Variants in TSHZ3 observed in about 807,000 individuals in gnomAD.
The protein encoded by TSHZ3 is teashirt homolog 3.
In TSHZ3, 10 loss-of-function variants were observed where a neutral mutation model predicts 64.5. That is an observed-to-expected ratio of 0.16 (90% CI 0.10 to 0.26). The LOEUF (loss-of-function observed/expected upper bound fraction) is 0.26, where lower values mean the gene tolerates loss of function less well. Among genes scored for constraint, TSHZ3 ranks in the 10% least tolerant of loss-of-function variants. TSHZ3 has a pLI of 1.00. For synonymous variants in TSHZ3, 608 were observed against 593.1 expected, an observed-to-expected ratio of 1.03 and a Z score of -0.36; for missense variants, 1,242 against 1,421.7, an observed-to-expected ratio of 0.87 and a Z score of 2.03.
At chr19:31,253,838 T>G (rs1031163536) in intron 1 of TSHZ3, among the ~76,000 whole-genome samples, 1 of 152,168 alleles carries the variant, frequency 6.6e-6, no homozygotes, top group Non-Finnish European at 1.5e-5. Context: ...GGGACAGGAA[T>G]GAAGAGGGAG....
chr19:31,304,858 G>A (rs185231180), intron 1 of TSHZ3, among the ~76,000 whole-genome samples: 5 of 152,312 alleles, frequency 3.3e-5, no homozygotes, highest in South Asian at 2.1e-4. Context: ...TAACTGGAGC[G>A]CGATTCCCCG....
chr19:31,277,785 T>G lies in TSHZ3; in HGVS notation c.2008A>C (p.Ser670Arg), dbSNP rs940179636. The part of the protein sequence containing the change: ...SDGGFRSQEN[S>R]PSPPRDGCKD... The stretch of plus-strand genomic sequence containing the variant: ...CACCCATCCCGCGGGGGGCTGGGGC[T>G]GTTCTCCTGGCTGCGGAAGCCCCCA... Residue 670 changes from serine to arginine, a missense_variant, in exon 2 of 2, where the codon AGC becomes CGC. Coordinates refer to ENST00000240587, the MANE Select transcript of TSHZ3 (RefSeq NM_020856.4). The surrounding 1 kb of genome is among the most constrained non-coding windows in gnomAD (Gnocchi z 4.5). 6.5e-7 allele frequency: 1 copy of G among 1,536,666 alleles called. No homozygotes were observed. The highest frequency in any genetic ancestry group is 8.7e-7 in the Non-Finnish European group (1 of 1,145,164).
In TSHZ3 at chr19:31,277,149, C is replaced by G. The variant is rs199907945; in HGVS notation, c.2644G>C (p.Ala882Pro). ...TTCTGGGCGGGCGTCGACTCCTCAGCCTCCTCCAGAGTGGCCCCGTCAATG... is the reference window on the plus strand; with the variant it reads ...TTCTGGGCGGGCGTCGACTCCTCAGGCTCCTCCAGAGTGGCCCCGTCAATG... ...SDIDGATLEE[A>P]EESTPAQKRK... The change falls in exon 2 of 2, where the codon GCT becomes CCT. Residue 882 changes from alanine (A) to proline (P), a missense_variant. By Grantham distance (27) the Ala-to-Pro change is conservative (BLOSUM62 -1). Transcript: ENST00000240587. This position sits in a 1 kb window ranked among gnomAD's most constrained non-coding sequence, Gnocchi z 4.5. 6.2e-7 allele frequency: 1 copy of G among 1,612,038 alleles called. No individual in the cohort carries two copies. The highest frequency in any genetic ancestry group is 8.5e-7 in the Non-Finnish European group (1 of 1,178,708).
At chr19:31,178,130 G>A (rs970265050) in intron 5 of TSHZ3, among the ~76,000 whole-genome samples, 4 of 152,170 alleles carry the variant, frequency 2.6e-5, no homozygotes, top group Non-Finnish European at 5.9e-5. Flanking sequence ...CTCAGGGTTA[G>A]CAAATAGTAA....
At chr19:31,342,572 A>C (rs1391256150) in intron 1 of TSHZ3, among the ~76,000 whole-genome samples, 1 of 152,208 alleles carries the variant, frequency 6.6e-6, no homozygotes, top group Non-Finnish European at 1.5e-5. Flanking sequence ...ATTTACATTA[A>C]ATTGTTCATT....
Position 31,277,983 on chromosome 19 carries a change from T to G in TSHZ3, c.1810A>C (p.Lys604Gln). 1 of 1,614,188 alleles carries G rather than the reference T, an allele frequency of 6.2e-7. No individual in the cohort carries two copies. The highest frequency in any genetic ancestry group is 8.5e-7 in the Non-Finnish European group (1 of 1,180,010). The change falls in exon 2 of 2, where the codon AAG (lysine) becomes CAG (glutamine). Residue 604 changes from lysine (K) to glutamine (Q), a missense_variant. Transcript: ENST00000240587. This position sits in a 1 kb window ranked among gnomAD's most constrained non-coding sequence, Gnocchi z 4.5. ...PPSSQTSPMP[K>Q]TNFHAMEELV... The stretch of plus-strand genomic sequence containing the variant: ...TCCTCCATGGCATGAAAGTTTGTCT[T>G]GGGCATGGGGGACGTCTGGCTGCTG...
intron 4 of TSHZ3, among the ~76,000 whole-genome samples, chr19:31,217,656 C>T (rs1206830510): frequency 6.6e-6 from 1 of 152,140 alleles, no homozygotes; most frequent in African/African-American, 2.4e-5. Flanking sequence ...ACATCACCAT[C>T]ACCCAGAATC....
intron 1 of TSHZ3, among the ~76,000 whole-genome samples, chr19:31,345,276 C>G (rs904641476): frequency 6.6e-6 from 1 of 152,206 alleles, no homozygotes; most frequent in Admixed American, 6.5e-5. Flanking sequence ...AGGAGAAATA[C>G]GTGGCAGGTA....
chr19:31,323,673 G>T (rs1220334384), intron 1 of TSHZ3, among the ~76,000 whole-genome samples: 1 of 152,052 alleles, frequency 6.6e-6, no homozygotes, highest in African/African-American at 2.4e-5. Context: ...TAAACTTTAA[G>T]AAATGTCCAC....
At chr19:31,177,418 T>A (rs1298882337) in intron 5 of TSHZ3, among the ~76,000 whole-genome samples, 5 of 152,276 alleles carry the variant, frequency 3.3e-5, no homozygotes, top group Admixed American at 2.0e-4. Context: ...GTAATCTCCA[T>A]CCCTTGCCTT....
intron 1 of TSHZ3, among the ~76,000 whole-genome samples, chr19:31,249,789 A>C (rs1472366): frequency 2.6e-5 from 4 of 151,810 alleles, no homozygotes; most frequent in Non-Finnish European, 5.9e-5. Context: ...CATCTCCCCA[A>C]CCCCAGCTTC....
At chr19:31,299,069 C>A (rs1276965627) in intron 1 of TSHZ3, among the ~76,000 whole-genome samples, 2 of 152,164 alleles carry the variant, frequency 1.3e-5, no homozygotes, top group African/African-American at 4.8e-5. Context: ...GTAGCGGGCG[C>A]CTGTAGTCCC....
intron 4 of TSHZ3, among the ~76,000 whole-genome samples, chr19:31,207,000 G>T (rs1975187664): frequency 6.6e-6 from 1 of 152,142 alleles, no homozygotes; most frequent in East Asian, 1.9e-4. Flanking sequence ...TAACTAACAA[G>T]AATTTTCTTC....
rs1568365496 is a variant in TSHZ3 at position 31,275,057 on chromosome 19, T to C, written c.*1490A>G. The C allele has an allele frequency of 6.6e-6, 1 of 152,568 alleles. No individual in the cohort carries two copies. The highest frequency in any genetic ancestry group is 6.5e-5 in the Admixed American group (1 of 15,280). The allele number at this position is 152,568 out of a possible 1,614,324, so 9.5% of individuals were successfully genotyped here. On this transcript the variant is annotated 3_prime_UTR_variant, in exon 2 of 2. Coordinates refer to ENST00000240587, the MANE Select transcript of TSHZ3 (RefSeq NM_020856.4). ...ACAGGGCACAGAGTGTGTTACGGTG[T>C]CTGTGCTGTTTACATGCCAATATTT...
At chr19:31,304,556 G>A (rs891350636) in intron 1 of TSHZ3, among the ~76,000 whole-genome samples, 3 of 152,222 alleles carry the variant, frequency 2.0e-5, no homozygotes, top group Non-Finnish European at 2.9e-5. Context: ...ACCTGAAAAT[G>A]TATAATTAAA....
At position 31,277,488 on chromosome 19, in the gene TSHZ3, G is replaced by C. The variant is rs111645533; in HGVS notation, c.2305C>G (p.Leu769Val). 1.2e-6 allele frequency: 2 copies of C among 1,609,902 alleles called. No individual in the cohort carries two copies. The highest frequency in any genetic ancestry group is 1.7e-6 in the Non-Finnish European group (2 of 1,177,164). ...EKAAVATPPP[L>V]QSKKADHLDR... Reference sequence around the variant, plus strand: ...AGGTGGTCTGCCTTCTTGGACTGCAGGGGCGGCGGGGTGGCCACAGCAGCC... The same window carrying C: ...AGGTGGTCTGCCTTCTTGGACTGCACGGGCGGCGGGGTGGCCACAGCAGCC... Residue 769 changes from leucine to valine, a missense_variant, in exon 2 of 2, where the codon CTG (leucine) becomes GTG (valine). Around this residue, in one of 4 missense-constraint regions of TSHZ3, gnomAD observed 550 missense variants for 545.1 expected, o/e 1.01. Transcript: ENST00000240587. The surrounding 1 kb of genome is among the most constrained non-coding windows in gnomAD (Gnocchi z 4.5).
chr19:31,282,101 C>T (rs1976371643), intron 1 of TSHZ3, among the ~76,000 whole-genome samples: 1 of 152,204 alleles, frequency 6.6e-6, no homozygotes, highest in African/African-American at 2.4e-5. Context: ...TAGCTAGACA[C>T]AGCCCACTGT....
intron 1 of TSHZ3, among the ~76,000 whole-genome samples, chr19:31,253,707 G>C (rs1496640): frequency 6.6e-6 from 1 of 151,508 alleles, no homozygotes; most frequent in Admixed American, 6.6e-5. Flanking sequence ...TGCATGCATG[G>C]GTACGCTTTC....
At chr19:31,179,828 A>AGGTGGT (rs61116795) in intron 5 of TSHZ3, among the ~76,000 whole-genome samples, 13 of 147,296 alleles carry the variant, frequency 8.8e-5, no homozygotes, top group East Asian at 2.0e-4. Flanking sequence ...GTGATGATGG[A>AGGTGGT]GGTGGTGGTG....
Sources: allele counts gnomAD v4.1 joint callset (sites outside exome capture counted in the v4.1 genomes callset), GRCh38; gene constraint gnomAD v4.1.1; regional missense constraint gnomAD v4.1.1; non-coding constraint Gnocchi (gnomAD v3.1); transcripts MANE v1.5; gene names NCBI Gene and HGNC (gene_info 2026-07-23, HGNC 2026-07-21).